Variants in COL9A2 observed in about 807,000 individuals in gnomAD.
The protein encoded by COL9A2 is collagen type IX alpha 2 chain.
A neutral mutation model predicts 111.6 loss-of-function variants in COL9A2; 66 were observed. The ratio of observed to expected loss-of-function variants is 0.59; its 90% CI spans 0.48 to 0.73. The LOEUF is 0.73. Among genes scored for constraint, COL9A2 ranks in the 30% least tolerant of loss-of-function variants. COL9A2 has a pLI of 0.00. For missense variants in COL9A2, 881 were observed against 954.1 expected, an observed-to-expected ratio of 0.92 and a Z score of 1.01; for synonymous variants, 353 against 364.1, an observed-to-expected ratio of 0.97 and a Z score of 0.35.
In COL9A2 at chr1:40,301,230, G is replaced by C. The variant is rs778216645; in HGVS notation, c.2022C>G (p.Ala674=). 1.2e-6 allele frequency: 2 copies of C among 1,614,022 alleles called. No homozygotes were observed. Among genetic ancestry groups the C allele is most frequent in the Non-Finnish European group, 1.7e-6 (2 of 1,180,038 alleles). The change falls in exon 32 of 32, where the codon GCC becomes GCG. Residue 674 remains alanine, a synonymous_variant. Coordinates refer to ENST00000372748, the MANE Select transcript of COL9A2 (RefSeq NM_001852.4). ...CEPAACLGAS[A]YASARLTEPG... Reference sequence around the variant, plus strand: ...GCTCTGTAAGGCGGGCAGAGGCATAGGCCGAAGCTCCAAGGCAGGCGGCAG... The same window carrying C: ...GCTCTGTAAGGCGGGCAGAGGCATACGCCGAAGCTCCAAGGCAGGCGGCAG...
In COL9A2 at chr1:40,309,746, CACAT is replaced by C. The variant is rs1348985532; in HGVS notation, c.846+188_846+191del. Among the ~76,000 whole-genome samples the C allele has an allele frequency of 2.0e-5, 3 of 152,036 alleles. No individual in the cohort carries two copies. In the East Asian group the frequency reaches 5.8e-4, roughly 29 times the overall value. On this transcript the variant is annotated intron_variant, in intron 16 of 31. Coordinates refer to ENST00000372748, the MANE Select transcript of COL9A2 (RefSeq NM_001852.4). The stretch of plus-strand genomic sequence containing the variant: ...CTACACACACTCACAGACAGCCTCA[CACAT>C]ACACACTGTACACATACACTCATAT...
chr1:40,303,055 C>T lies in COL9A2; in HGVS notation c.1603+76G>A, dbSNP rs77215057. The T allele has an allele frequency of 3.8e-3, 5,498 of 1,462,192 alleles. 185 individuals carry two copies. The African/African-American group carries it at 0.065, about 17-fold the overall frequency. The allele number at this position is 1,462,192 out of a possible 1,614,324, so 90.6% of individuals were successfully genotyped here. A position where few individuals can be genotyped will look rare whatever the true frequency, so the allele number is the denominator to read the frequency against. Reference sequence around the variant, plus strand: ...CTCCAGATTTTCAGACAAGTGAACACGTGGAGGCTCCGGGAGGGGGTGAGG... The same window carrying T: ...CTCCAGATTTTCAGACAAGTGAACATGTGGAGGCTCCGGGAGGGGGTGAGG... On this transcript the variant is annotated intron_variant, in intron 29 of 31. Coordinates refer to ENST00000372748, the MANE Select transcript of COL9A2 (RefSeq NM_001852.4). The surrounding 1 kb of genome is among the most constrained non-coding windows in gnomAD (Gnocchi z 4.6).
chr1:40,303,736 T>TG lies in COL9A2; in HGVS notation c.1402-61dup, dbSNP rs1368187170. 8.8e-6 allele frequency: 5 copies of TG among 569,254 alleles called. No individual in the cohort carries two copies. The highest frequency in any genetic ancestry group is 3.8e-5 in the Admixed American group (1 of 26,162). The allele number at this position is 569,254 out of a possible 1,614,324, so 35.3% of individuals were successfully genotyped here. On this transcript the variant is annotated intron_variant, in intron 27 of 31. Transcript: ENST00000372748. This position sits in a 1 kb window ranked among gnomAD's most constrained non-coding sequence, Gnocchi z 4.6. ...GAGAAGGCGCCCGGGTGGGCGAGAG[T>TG]GGGGGGTGGGGGTCGAGGAAGGGAG...
Position 40,309,990 on chromosome 1 carries a change from C to T in COL9A2, c.794G>A (p.Gly265Asp). Residue 265 changes from glycine to aspartate, a missense_variant and splice_region_variant, in exon 16 of 32, where the codon GGT becomes GAT. By Grantham distance (94) the Gly-to-Asp change is moderately conservative. Transcript: ENST00000372748. ...TGGCGGTCCCCTAGGACCTTCCTCA[C>T]CCTGGCAAGAAAGACAAGCAGGAAT... Reference protein sequence around the residue: ...VGAIGATGPPGEEGPRGPPGR... With the variant: ...VGAIGATGPPDEEGPRGPPGR... The T allele has an allele frequency of 6.2e-7, 1 of 1,614,180 alleles. No homozygotes were observed. The highest frequency in any genetic ancestry group is 8.5e-7 in the Non-Finnish European group (1 of 1,180,032).
intron 16 of COL9A2, among the ~76,000 whole-genome samples, chr1:40,308,561 T>C (rs1470359716): frequency 6.6e-6 from 1 of 152,166 alleles, no homozygotes; most frequent in Admixed American, 6.5e-5. Flanking sequence ...GAATGCAGTG[T>C]GTGGATGCTG....
Position 40,310,090 on chromosome 1 carries a change from G to C in COL9A2, c.792+21C>G. The C allele has an allele frequency of 6.2e-7, 1 of 1,613,996 alleles. No homozygotes were observed. Among genetic ancestry groups the C allele is most frequent in the Non-Finnish European group, 8.5e-7 (1 of 1,179,870 alleles). On this transcript the variant is annotated intron_variant, in intron 15 of 31. Transcript: ENST00000372748. This position sits in a 1 kb window ranked among gnomAD's most constrained non-coding sequence, Gnocchi z 4.9. ...TGTAGGAGCTCCAGCCTCAGGGGTA[G>C]GGGAGCAAAAAGAGGCTTACCGGTG...
intron 21 of COL9A2, among the ~76,000 whole-genome samples, chr1:40,305,170 C>T (rs1644007134): frequency 6.7e-6 from 1 of 148,770 alleles, no homozygotes; most frequent in Admixed American, 6.9e-5. Flanking sequence ...CGGGTTCATG[C>T]CATTCTCCTG....
rs753341843 is a variant in COL9A2 at position 40,315,660 on chromosome 1, C to A, written c.80G>T (p.Gly27Val). The A allele has an allele frequency of 1.3e-6, 2 of 1,553,076 alleles. No homozygotes were observed. Among genetic ancestry groups the A allele is most frequent in the Non-Finnish European group, 1.7e-6 (2 of 1,147,580 alleles). Residue 27 changes from glycine (G) to valine (V), a missense_variant, in exon 2 of 32, where the codon GGT becomes GTT. Physicochemically the swap from Gly to Val is moderately radical, Grantham distance 109 (BLOSUM62 -3). Coordinates refer to ENST00000372748, the MANE Select transcript of COL9A2 (RefSeq NM_001852.4). ...VVVLALAQIR[G>V]PPGERGPPGP... Reference sequence around the variant, plus strand: ...CGGGGGGCCCCGCTCTCCCGGTGGACCTCTCTGAAAAACACACACGGGGTG... The same window carrying A: ...CGGGGGGCCCCGCTCTCCCGGTGGAACTCTCTGAAAAACACACACGGGGTG...
At position 40,300,958 on chromosome 1, in the gene COL9A2, A is replaced by G. The variant is rs1214888154; in HGVS notation, c.*224T>C. 7.2e-6 allele frequency: 4 copies of G among 557,498 alleles called. No homozygotes were observed. The highest frequency in any genetic ancestry group is 1.3e-5 in the Non-Finnish European group (4 of 311,638). The allele number at this position is 557,498 out of a possible 1,614,324, so 34.5% of individuals were successfully genotyped here. On this transcript the variant is annotated 3_prime_UTR_variant, in exon 32 of 32. Transcript: ENST00000372748. The surrounding 1 kb of genome is among the most constrained non-coding windows in gnomAD (Gnocchi z 4.4). ...CCTATTCCTTCAGCGCTTCGACTCC[A>G]TCGACACCACTTGCCCTGTGTGTTG...
In COL9A2 at chr1:40,310,694, T is replaced by G; in HGVS notation, c.684+20A>C. The G allele has an allele frequency of 6.4e-7, 1 of 1,564,808 alleles. No homozygotes were observed. Among genetic ancestry groups the G allele is most frequent in the South Asian group, 1.2e-5 (1 of 84,836 alleles). The stretch of plus-strand genomic sequence containing the variant: ...CTGGGGTGAGGGAGAAGAGGGCCAC[T>G]GAGGCAAGGTGTTCCTTACCGGTGG... On this transcript the variant is annotated intron_variant, in intron 13 of 31. Transcript: ENST00000372748. This position sits in a 1 kb window ranked among gnomAD's most constrained non-coding sequence, Gnocchi z 4.9.
chr1:40,317,202 G>A lies in COL9A2; in HGVS notation c.-5C>T. The A allele has an allele frequency of 6.4e-7, 1 of 1,569,998 alleles. No homozygotes were observed. The highest frequency in any genetic ancestry group is 8.6e-7 in the Non-Finnish European group (1 of 1,158,408). On this transcript the variant is annotated 5_prime_UTR_variant, in exon 1 of 32. Coordinates refer to ENST00000372748, the MANE Select transcript of COL9A2 (RefSeq NM_001852.4). The surrounding 1 kb of genome is among the most constrained non-coding windows in gnomAD (Gnocchi z 4.3). ...GGAGGCCGTAGCGGCGGCCATGGCTGGCGGCGAGACCAAGGGGGACGGGTG... is the reference window on the plus strand; with the variant it reads ...GGAGGCCGTAGCGGCGGCCATGGCTAGCGGCGAGACCAAGGGGGACGGGTG...
chr1:40,307,593 AG>A lies in COL9A2; in HGVS notation c.955-95del. The A allele has an allele frequency of 6.3e-7, 1 of 1,583,510 alleles. No individual in the cohort carries two copies. The highest frequency in any genetic ancestry group is 1.3e-5 in the African/African-American group (1 of 74,324). ...TGCAGGTAGGGAAACTGAGATCCAG[AG>A]GCAAGAAAGGGCATGTCCATGACCT... On this transcript the variant is annotated intron_variant, in intron 18 of 31. Coordinates refer to ENST00000372748, the MANE Select transcript of COL9A2 (RefSeq NM_001852.4). This position sits in a 1 kb window ranked among gnomAD's most constrained non-coding sequence, Gnocchi z 4.8.
In COL9A2 at chr1:40,302,033, G is replaced by C. The variant is rs1643922511; in HGVS notation, c.1793-144C>G. 1.3e-6 allele frequency: 1 copy of C among 777,078 alleles called. No homozygotes were observed. The highest frequency in any genetic ancestry group is 1.7e-5 in the African/African-American group (1 of 58,018). The allele number at this position is 777,078 out of a possible 1,614,324, so 48.1% of individuals were successfully genotyped here. Reference sequence around the variant, plus strand: ...AGTTGGAAATGGTCACGCAGGGCTTGTTAAATAAAGGAAGGTGCAGACAAA... The same window carrying C: ...AGTTGGAAATGGTCACGCAGGGCTTCTTAAATAAAGGAAGGTGCAGACAAA... On this transcript the variant is annotated intron_variant, in intron 30 of 31. Coordinates refer to ENST00000372748, the MANE Select transcript of COL9A2 (RefSeq NM_001852.4). This position sits in a 1 kb window ranked among gnomAD's most constrained non-coding sequence, Gnocchi z 4.5.
chr1:40,310,990 C>A lies in COL9A2; in HGVS notation c.630+103G>T. The stretch of plus-strand genomic sequence containing the variant: ...CCAGCCCCCGGCTCAAGGCTCTGTC[C>A]CCAGAACCCACAGGGGAAGGGGAAG... On this transcript the variant is annotated intron_variant, in intron 12 of 31. Transcript: ENST00000372748. The surrounding 1 kb of genome is among the most constrained non-coding windows in gnomAD (Gnocchi z 4.9). 1 of 1,500,348 alleles carries A rather than the reference C, an allele frequency of 6.7e-7. No homozygotes were observed. The highest frequency in any genetic ancestry group is 9.3e-7 in the Non-Finnish European group (1 of 1,077,824). The allele number at this position is 1,500,348 out of a possible 1,614,324, so 92.9% of individuals were successfully genotyped here.
chr1:40,316,442 C>A lies in COL9A2; in HGVS notation c.75+681G>T, dbSNP rs1031383480. ...GGTCACAAGTCATATCAAGATGAGG[C>A]GAGCTCACAGCTGGAGAGTCTCCAT... On this transcript the variant is annotated intron_variant, in intron 1 of 31. Transcript: ENST00000372748. This position sits in a 1 kb window ranked among gnomAD's most constrained non-coding sequence, Gnocchi z 5.5. Among the ~76,000 whole-genome samples, 1 of 152,172 alleles carries A rather than the reference C, an allele frequency of 6.6e-6. No individual in the cohort carries two copies. The highest frequency in any genetic ancestry group is 2.1e-4 in the South Asian group (1 of 4,834).
chr1:40,301,089 G>T lies in COL9A2; in HGVS notation c.*93C>A, dbSNP rs968059509. On this transcript the variant is annotated 3_prime_UTR_variant, in exon 32 of 32. Coordinates refer to ENST00000372748, the MANE Select transcript of COL9A2 (RefSeq NM_001852.4). ...CCAGACAGAAGGTCCTGGGGGAGAT[G>T]GTTTCCTGGACTGGGGATGGGTGCA... The T allele has an allele frequency of 7.4e-7, 1 of 1,344,926 alleles. No homozygotes were observed. The highest frequency in any genetic ancestry group is 1.8e-5 in the Admixed American group (1 of 55,476). 83.3% of individuals were successfully genotyped at this position (1,344,926 alleles called of 1,614,324 possible).
In COL9A2 at chr1:40,308,306, G is replaced by A. The variant is rs1644062733; in HGVS notation, c.847-61C>T. 4.5e-6 allele frequency: 7 copies of A among 1,548,694 alleles called. No individual in the cohort carries two copies. The South Asian group carries it at 7.0e-5, about 15-fold the overall frequency. On this transcript the variant is annotated intron_variant, in intron 16 of 31. Transcript: ENST00000372748. The stretch of plus-strand genomic sequence containing the variant: ...TGTTGGGCCCCTGTCTGGCTGTGCA[G>A]AGAGGGGAACCACTGAGAACAGTGG...
Position 40,317,223 on chromosome 1 carries a change from G to T in COL9A2, c.-26C>A, listed in dbSNP as rs764721121. The T allele has an allele frequency of 1.3e-6, 2 of 1,553,066 alleles. No individual in the cohort carries two copies. The highest frequency in any genetic ancestry group is 1.7e-6 in the Non-Finnish European group (2 of 1,146,392). The stretch of plus-strand genomic sequence containing the variant: ...GGCTGGCGGCGAGACCAAGGGGGAC[G>T]GGTGCGTGTCCGCGCACGCACCGAC... On this transcript the variant is annotated 5_prime_UTR_variant, in exon 1 of 32. Coordinates refer to ENST00000372748, the MANE Select transcript of COL9A2 (RefSeq NM_001852.4). This position sits in a 1 kb window ranked among gnomAD's most constrained non-coding sequence, Gnocchi z 4.3.
In COL9A2 at chr1:40,312,426, G is replaced by C; in HGVS notation, c.363+30C>G. ...TGTCCCCTCCTTCCCTGGGAGTTCTGGGGATCCTGCCCCATCCCTGAGGAC... is the reference window on the plus strand; with the variant it reads ...TGTCCCCTCCTTCCCTGGGAGTTCTCGGGATCCTGCCCCATCCCTGAGGAC... On this transcript the variant is annotated intron_variant, in intron 7 of 31. Transcript: ENST00000372748. This position sits in a 1 kb window ranked among gnomAD's most constrained non-coding sequence, Gnocchi z 6.0. 6.2e-7 allele frequency: 1 copy of C among 1,611,256 alleles called. No homozygotes were observed. Among genetic ancestry groups the C allele is most frequent in the Non-Finnish European group, 8.5e-7 (1 of 1,178,592 alleles).
Sources: allele counts gnomAD v4.1 joint callset (sites outside exome capture counted in the v4.1 genomes callset), GRCh38; gene constraint gnomAD v4.1.1; non-coding constraint Gnocchi (gnomAD v3.1); transcripts MANE v1.5; gene names NCBI Gene and HGNC (gene_info 2026-07-23, HGNC 2026-07-21).